The following EXOC6 variants were observed in gnomAD, a reference collection of about 807,000 sequenced individuals.
EXOC6 encodes the protein exocyst complex component 6.
In EXOC6, 60 loss-of-function variants were observed where a neutral mutation model predicts 112.5. The observed-to-expected ratio is 0.53, with a 90% CI of 0.43 to 0.66. EXOC6 has a LOEUF of 0.66. Ranked by LOEUF, EXOC6 falls within the 30% of genes least tolerant of loss-of-function variation. EXOC6 has a pLI of 0.00. For synonymous variants in EXOC6, 295 were observed against 308.0 expected, an observed-to-expected ratio of 0.96 and a Z score of 0.44; for missense variants, 855 against 957.1, an observed-to-expected ratio of 0.89 and a Z score of 1.41.
At chr10:92,868,781 CTTCCTCCCTCCCTTCT>C (rs1175285217) in intron 1 of EXOC6, among the ~76,000 whole-genome samples, 9 of 149,210 alleles carry the variant, frequency 6.0e-5, no homozygotes, top group East Asian at 3.9e-4. Context: ...CCCTCCCTTC[CTTCCTCCCTCCCTTCT>C]TTCCTCCCTC....
intron 19 of EXOC6, among the ~76,000 whole-genome samples, chr10:93,006,175 CAAGA>C (rs1264769609): frequency 1.3e-5 from 2 of 149,656 alleles, no homozygotes; most frequent in Non-Finnish European, 3.0e-5. Flanking sequence ...CAAAACAAAA[CAAGA>C]AAGCTTAGCC....
At chr10:93,046,704 T>G (rs1846015269) in intron 20 of EXOC6, among the ~76,000 whole-genome samples, 1 of 151,946 alleles carries the variant, frequency 6.6e-6, no homozygotes, top group Non-Finnish European at 1.5e-5. Flanking sequence ...TTCAAGCAAT[T>G]CTCCTGCCTC....
chr10:92,926,126 A>G (rs974817171), intron 8 of EXOC6, among the ~76,000 whole-genome samples: 17 of 151,512 alleles, frequency 1.1e-4, no homozygotes, highest in African/African-American at 1.9e-4. Context: ...TTAATGGGGG[A>G]AAAAAAAGTC....
At chr10:92,991,984 G>A (rs932678481) in intron 18 of EXOC6, among the ~76,000 whole-genome samples, 3 of 152,070 alleles carry the variant, frequency 2.0e-5, no homozygotes, top group African/African-American at 7.2e-5. Flanking sequence ...GTATTTGGGG[G>A]AATGTTGTGG....
At chr10:92,847,837 T>TC (rs1491030445), upstream of EXOC6, among the ~76,000 whole-genome samples, 1 of 46,370 alleles carries the variant, frequency 2.2e-5, no homozygotes, top group Non-Finnish European at 4.0e-5. Flanking sequence ...CCCTGGGCCT[T>TC]TTTTTTTTTT....
At chr10:92,981,170 A>G (rs914007355) in intron 18 of EXOC6, among the ~76,000 whole-genome samples, 1 of 152,246 alleles carries the variant, frequency 6.6e-6, no homozygotes, top group Non-Finnish European at 1.5e-5. Flanking sequence ...TTAGCCAGAA[A>G]ACTTAAACCA....
intron 13 of EXOC6, among the ~76,000 whole-genome samples, chr10:92,944,187 G>A (rs1361683279): frequency 2.0e-5 from 3 of 151,962 alleles, no homozygotes; most frequent in Non-Finnish European, 4.4e-5. Context: ...ATTCTGCAGT[G>A]AACATGGGAA....
chr10:92,978,808 A>G (rs1392091833), intron 18 of EXOC6, among the ~76,000 whole-genome samples: 1 of 152,196 alleles, frequency 6.6e-6, no homozygotes, highest in Non-Finnish European at 1.5e-5. Context: ...GAAGCTTATC[A>G]CATTTAACTG....
intron 1 of EXOC6, among the ~76,000 whole-genome samples, chr10:92,858,220 C>G (rs1201803219): frequency 6.6e-6 from 1 of 151,948 alleles, no homozygotes; most frequent in Non-Finnish European, 1.5e-5. Flanking sequence ...TTATGTTTAT[C>G]TTACTTGGAG....
chr10:92,888,713 A>G (rs999799570), intron 1 of EXOC6, among the ~76,000 whole-genome samples: 3 of 152,220 alleles, frequency 2.0e-5, no homozygotes, highest in African/African-American at 7.2e-5. Context: ...AGAAATGTGT[A>G]TGTATATTAC....
chr10:92,894,437 C>T (rs1176181988), intron 2 of EXOC6, among the ~76,000 whole-genome samples: 1 of 152,112 alleles, frequency 6.6e-6, no homozygotes, highest in Non-Finnish European at 1.5e-5. Flanking sequence ...TCACCATTTC[C>T]TACAGACAAT....
chr10:92,901,642 ATC>A (rs1272192333), intron 5 of EXOC6: 2 of 138,184 alleles, frequency 1.4e-5, no homozygotes, highest in Non-Finnish European at 3.1e-5. Context: ...TTTGCCTCAG[ATC>A]TGGAAGCAGC....
intron 1 of EXOC6, among the ~76,000 whole-genome samples, chr10:92,869,252 C>T (rs1848323848): frequency 6.6e-6 from 1 of 151,770 alleles, no homozygotes; most frequent in African/African-American, 2.4e-5. Context: ...ATCCTCCCTC[C>T]TTGGCCTTCC....
rs749638146 is a variant in EXOC6, at chr10:92,997,622, A to G, written c.2095+7A>G. The G allele has an allele frequency of 6.3e-7, 1 of 1,597,352 alleles. No homozygotes were observed. Among genetic ancestry groups the G allele is most frequent in the South Asian group, 1.1e-5 (1 of 87,858 alleles). On this transcript the variant is annotated splice_region_variant and intron_variant, in intron 19 of 21. Coordinates refer to ENST00000260762, the MANE Select transcript of EXOC6 (RefSeq NM_019053.6). ...GATGTCATACAGTGTGAATGTAAGT[A>G]CTATATTGGTTTATTCTTATGTATT... is the stretch of plus-strand genomic sequence containing the variant.
At chr10:92,895,581 T>A (rs893538347) in intron 4 of EXOC6, among the ~76,000 whole-genome samples, 1 of 152,212 alleles carries the variant, frequency 6.6e-6, no homozygotes, top group African/African-American at 2.4e-5. Flanking sequence ...GGGCATCAGA[T>A]AAATTCCGAG....
chr10:92,960,089 G>A (rs891926453), intron 17 of EXOC6, among the ~76,000 whole-genome samples: 1 of 152,166 alleles, frequency 6.6e-6, no homozygotes, highest in African/African-American at 2.4e-5. Context: ...ATTCATAATT[G>A]CCCAAACTTG....
chr10:92,976,013 T>A (rs1398146791), intron 18 of EXOC6, among the ~76,000 whole-genome samples: 1 of 132,342 alleles, frequency 7.6e-6, no homozygotes, highest in African/African-American at 2.9e-5. Context: ...GGAGCCCCTC[T>A]GCCCGGCCAG....
intron 17 of EXOC6, among the ~76,000 whole-genome samples, chr10:92,973,279 G>T (rs1275930440): frequency 6.6e-6 from 1 of 152,196 alleles, no homozygotes; most frequent in East Asian, 1.9e-4. Flanking sequence ...GTTTCCACCA[G>T]AGTTTTAGAA....
intron 6 of EXOC6, among the ~76,000 whole-genome samples, chr10:92,914,493 T>C (rs190609065): frequency 2.4e-4 from 37 of 152,364 alleles, no homozygotes; most frequent in Admixed American, 6.5e-4. Context: ...ACATCTGTTT[T>C]TACTGTGTGA....
Sources: gnomAD v4.1 joint callset for allele counts (sites outside exome capture counted in the v4.1 genomes callset) on GRCh38, gnomAD v4.1.1 for gene constraint, MANE v1.5 for transcripts, NCBI Gene and HGNC (gene_info 2026-07-23, HGNC 2026-07-21) for gene names.